Variants in KIAA0825 observed in about 807,000 individuals in gnomAD.
KIAA0825 encodes the protein KIAA0825, also known as uncharacterized protein KIAA0825.
A neutral mutation model predicts 147.6 loss-of-function variants in KIAA0825; 119 were observed. That is an observed-to-expected ratio of 0.81 (90% CI 0.69 to 0.94). The LOEUF is 0.94. KIAA0825 is among the 40% of genes least tolerant of loss of function. The pLI, the probability that KIAA0825 is intolerant of heterozygous loss-of-function variation, is 0.00. For synonymous variants in KIAA0825, 470 were observed against 518.1 expected, an observed-to-expected ratio of 0.91 and a Z score of 1.26; for missense variants, 1,381 against 1,472.7, an observed-to-expected ratio of 0.94 and a Z score of 1.02.
At chr5:94,340,944 T>C (rs954553381) in intron 20 of KIAA0825, among the ~76,000 whole-genome samples, 2 of 152,242 alleles carry the variant, frequency 1.3e-5, no homozygotes, top group Non-Finnish European at 2.9e-5. Context: ...ATGGTCTTCA[T>C]AGACCTACAT....
chr5:94,581,562 T>C lies in KIAA0825; in HGVS notation c.-2+871A>G, dbSNP rs954349644. Reference sequence around the variant, plus strand: ...CCAAATCAGTCTGTTATACTCCTAATTTAAAAAACAGTTCTAATGTGAAAT... The same window carrying C: ...CCAAATCAGTCTGTTATACTCCTAACTTAAAAAACAGTTCTAATGTGAAAT... On this transcript the variant is annotated intron_variant, in intron 2 of 20. Coordinates refer to ENST00000682413, the MANE Select transcript of KIAA0825 (RefSeq NM_001145678.3). Among the ~76,000 whole-genome samples, 18 of 152,322 alleles carry C rather than the reference T, an allele frequency of 1.2e-4. 1 individual carries two copies. Among genetic ancestry groups the C allele is most frequent in the African/African-American group, 4.3e-4 (18 of 41,580 alleles).
chr5:94,384,169 GTA>G (rs1369473048), intron 20 of KIAA0825, among the ~76,000 whole-genome samples, 197 bp downstream of exon 20: 2 of 152,096 alleles, frequency 1.3e-5, no homozygotes, highest in Non-Finnish European at 2.9e-5. Flanking sequence ...TATTTAGAGA[GTA>G]TACTCCTATA....
At chr5:94,301,253 T>G (rs1431043022) in intron 20 of KIAA0825, among the ~76,000 whole-genome samples, 1 of 152,110 alleles carries the variant, frequency 6.6e-6, no homozygotes, top group Non-Finnish European at 1.5e-5. Flanking sequence ...ATACTTAATT[T>G]TATCCCCATT....
In KIAA0825 at chr5:94,576,024, CATA is replaced by C. The variant is rs1780966720; in HGVS notation, c.-2+6406_-2+6408del. On this transcript the variant is annotated intron_variant, in intron 2 of 20. Transcript: ENST00000682413. ...GAAGGCATAGCAAATTAGTGTTAGACATAATGATTTTGAGTAGGCCGTACAAGT... is the reference window on the plus strand; with the variant it reads ...GAAGGCATAGCAAATTAGTGTTAGACATGATTTTGAGTAGGCCGTACAAGT... 3.9e-5 allele frequency among the ~76,000 whole-genome samples: 6 copies of C among 151,994 alleles called. No individual in the cohort carries two copies. In the South Asian group the frequency reaches 1.2e-3, roughly 32 times the overall value.
chr5:94,525,458 T>C (rs548405742), intron 3 of KIAA0825, among the ~76,000 whole-genome samples: 1 of 151,806 alleles, frequency 6.6e-6, no homozygotes, highest in Non-Finnish European at 1.5e-5. Context: ...ACAAAGAACT[T>C]AAAAGGAAAA....
chr5:94,498,408 A>T (rs1365203368), intron 5 of KIAA0825, among the ~76,000 whole-genome samples: 3 of 152,220 alleles, frequency 2.0e-5, no homozygotes, highest in African/African-American at 7.2e-5. Context: ...TGAGTGGAGA[A>T]ACTGGTCAGA....
At chr5:94,527,189 C>G (rs1769479420) in intron 3 of KIAA0825, among the ~76,000 whole-genome samples, 1 of 151,994 alleles carries the variant, frequency 6.6e-6, no homozygotes, top group Non-Finnish European at 1.5e-5. Flanking sequence ...TATATATGCA[C>G]CAGCTTACTT....
chr5:94,566,515 A>G (rs1373867328), intron 2 of KIAA0825, among the ~76,000 whole-genome samples: 1 of 152,150 alleles, frequency 6.6e-6, no homozygotes, highest in Non-Finnish European at 1.5e-5. Context: ...CAAAAGTAAA[A>G]ACATCTTTAT....
chr5:94,394,186 A>T (rs898640328), intron 17 of KIAA0825, among the ~76,000 whole-genome samples: 2 of 152,116 alleles, frequency 1.3e-5, no homozygotes, highest in Non-Finnish European at 2.9e-5. Flanking sequence ...TCTGTAAGAG[A>T]TTGTTATCTA....
intron 1 of KIAA0825, among the ~76,000 whole-genome samples, chr5:94,590,022 C>T (rs1213166448): frequency 6.6e-6 from 1 of 152,022 alleles, no homozygotes; most frequent in Non-Finnish European, 1.5e-5. Context: ...CAGAGTCTCA[C>T]TCTGTCACCC....
At chr5:94,617,613 G>A (rs1790899129) in intron 1 of KIAA0825, among the ~76,000 whole-genome samples, 1 of 152,168 alleles carries the variant, frequency 6.6e-6, no homozygotes, top group Admixed American at 6.5e-5. Flanking sequence ...TTTTACGGGG[G>A]TTGGTGGGGA....
At chr5:94,603,492 T>C (rs2152423305) in intron 1 of KIAA0825, among the ~76,000 whole-genome samples, 1 of 152,230 alleles carries the variant, frequency 6.6e-6, no homozygotes, top group African/African-American at 2.4e-5. Context: ...CACAGACCAA[T>C]GACACTATGA....
At chr5:94,608,224 G>C (rs907180718) in intron 1 of KIAA0825, among the ~76,000 whole-genome samples, 3 of 149,828 alleles carry the variant, frequency 2.0e-5, no homozygotes, top group Non-Finnish European at 4.4e-5. Context: ...TTATGTCTTC[G>C]ATAGGAAGTA....
At chr5:94,398,572 T>G (rs1179888708) in intron 16 of KIAA0825, among the ~76,000 whole-genome samples, 1 of 152,156 alleles carries the variant, frequency 6.6e-6, no homozygotes, top group Non-Finnish European at 1.5e-5. Flanking sequence ...TTTTGGTAAT[T>G]AGGTCCATAA....
intron 9 of KIAA0825, among the ~76,000 whole-genome samples, 194 bp downstream of exon 9, chr5:94,471,272 C>G (rs553256046): frequency 1.3e-5 from 2 of 152,016 alleles, no homozygotes; most frequent in Admixed American, 6.6e-5. Flanking sequence ...ATCTTACTAT[C>G]TATGTATCTA....
intron 20 of KIAA0825, among the ~76,000 whole-genome samples, chr5:94,342,780 AAAGT>A (rs1360902239): frequency 2.0e-5 from 3 of 152,142 alleles, no homozygotes; most frequent in South Asian, 2.1e-4. Flanking sequence ...CCAAGGCAAT[AAAGT>A]AAGAAAAAAA....
At chr5:94,339,614 A>T (rs1036451873) in intron 20 of KIAA0825, among the ~76,000 whole-genome samples, 1 of 152,174 alleles carries the variant, frequency 6.6e-6, no homozygotes, top group Non-Finnish European at 1.5e-5. Flanking sequence ...ATGTCTCACC[A>T]GGCACTCGGG....
chr5:94,451,516 C>A (rs1408764925), intron 13 of KIAA0825, among the ~76,000 whole-genome samples: 1 of 152,158 alleles, frequency 6.6e-6, no homozygotes. Context: ...GAATAGTCGT[C>A]CCCATGTTCT....
intron 20 of KIAA0825, among the ~76,000 whole-genome samples, chr5:94,272,472 CCTA>C (rs1396644596): frequency 1.3e-5 from 2 of 151,882 alleles, no homozygotes; most frequent in East Asian, 1.9e-4. Context: ...AATATATACA[CCTA>C]CTATGTACCC....
Sources: allele counts gnomAD v4.1 joint callset (sites outside exome capture counted in the v4.1 genomes callset), GRCh38; gene constraint gnomAD v4.1.1; transcripts MANE v1.5; gene names NCBI Gene and HGNC (gene_info 2026-07-23, HGNC 2026-07-21).